Variants in STOX2 observed in about 807,000 individuals in gnomAD.
STOX2 encodes the protein storkhead-box protein 2.
A neutral mutation model predicts 60.9 loss-of-function variants in STOX2; 28 were observed. That is an observed-to-expected ratio of 0.46 (90% CI 0.34 to 0.63). The LOEUF (loss-of-function observed/expected upper bound fraction) is 0.63, where lower values mean the gene tolerates loss of function less well. STOX2 is among the 30% of genes least tolerant of loss of function. STOX2 has a pLI of 0.01. For synonymous variants in STOX2, 472 were observed against 463.9 expected (o/e 1.02, Z -0.22); for missense variants, 1,024 against 1,187.7 (o/e 0.86, Z 2.03).
At chr4:183,875,468 T>G (rs1740808394) in intron 1 of STOX2, among the ~76,000 whole-genome samples, 1 of 152,106 alleles carries the variant, frequency 6.6e-6, no homozygotes, top group Non-Finnish European at 1.5e-5. Flanking sequence ...AGCCTCCCAT[T>G]TTATGGAGGA....
intron 1 of STOX2, among the ~76,000 whole-genome samples, chr4:183,977,861 A>T (rs1732502625): frequency 6.6e-6 from 1 of 152,122 alleles, no homozygotes; most frequent in South Asian, 2.1e-4. Flanking sequence ...TTGATCAGTG[A>T]TGTTTTTCAT....
chr4:183,853,528 G>A (rs1434716407), intron 1 of STOX2: 3 of 152,116 alleles, frequency 2.0e-5, no homozygotes, highest in East Asian at 3.8e-4. Flanking sequence ...TTAAATCTCT[G>A]GGCTGCTTAA....
At chr4:183,975,603 G>A (rs566947277) in intron 1 of STOX2, among the ~76,000 whole-genome samples, 1 of 152,134 alleles carries the variant, frequency 6.6e-6, no homozygotes, top group South Asian at 2.1e-4. Context: ...AGAAGAGGCT[G>A]CCAAAACTCA....
chr4:183,839,540 G>GGA (rs1179633141), intron 1 of STOX2, among the ~76,000 whole-genome samples: 5 of 152,194 alleles, frequency 3.3e-5, no homozygotes, highest in Admixed American at 3.3e-4. Flanking sequence ...ACCAGCATTA[G>GGA]TACTACAGGA....
At chr4:183,885,553 G>A (rs1171872782) in intron 1 of STOX2, among the ~76,000 whole-genome samples, 3 of 152,110 alleles carry the variant, frequency 2.0e-5, no homozygotes, top group African/African-American at 4.8e-5. Context: ...CGGCTGCCTC[G>A]CATTTGCTTT....
intron 1 of STOX2, among the ~76,000 whole-genome samples, chr4:183,930,340 A>G (rs1001074552): frequency 6.7e-6 from 1 of 149,716 alleles, no homozygotes; most frequent in East Asian, 2.0e-4. Flanking sequence ...TAAGTTTTTT[A>G]TTTTTATTTT....
chr4:183,942,606 A>G (rs1011696239), intron 1 of STOX2, among the ~76,000 whole-genome samples: 1 of 152,092 alleles, frequency 6.6e-6, no homozygotes, highest in Non-Finnish European at 1.5e-5. Flanking sequence ...CATATTGCAT[A>G]ATTTATATTT....
At chr4:183,962,129 A>T (rs1743430552) in intron 1 of STOX2, among the ~76,000 whole-genome samples, 1 of 152,230 alleles carries the variant, frequency 6.6e-6, no homozygotes, top group Non-Finnish European at 1.5e-5. Context: ...TTCTAATTAA[A>T]CAATTTTTAG....
At chr4:184,005,787 A>G (rs1053662096) in intron 2 of STOX2, among the ~76,000 whole-genome samples, 3 of 152,250 alleles carry the variant, frequency 2.0e-5, no homozygotes, top group Admixed American at 6.5e-5. Context: ...AATGATAATC[A>G]TAAACATAAG....
At chr4:184,005,231 G>A (rs1413035636) in intron 2 of STOX2, among the ~76,000 whole-genome samples, 1 of 152,148 alleles carries the variant, frequency 6.6e-6, no homozygotes, top group East Asian at 1.9e-4. Flanking sequence ...AGGCCGAGGT[G>A]GGCGGATCAC....
chr4:183,998,943 T>C (rs1256407184), intron 1 of STOX2, among the ~76,000 whole-genome samples: 1 of 152,098 alleles, frequency 6.6e-6, no homozygotes, highest in African/African-American at 2.4e-5. Flanking sequence ...TCCTAGCTAT[T>C]TGGAAGCCTG....
chr4:183,924,560 T>C (rs1267036626), intron 1 of STOX2, among the ~76,000 whole-genome samples: 2 of 152,092 alleles, frequency 1.3e-5, no homozygotes, highest in East Asian at 3.9e-4. Flanking sequence ...GAGGACCTTA[T>C]GTTTCGAGCT....
At chr4:183,801,734 A>G (rs1219922448) in intron 1 of STOX2, among the ~76,000 whole-genome samples, 1 of 152,078 alleles carries the variant, frequency 6.6e-6, no homozygotes, top group Non-Finnish European at 1.5e-5. Flanking sequence ...ATGTGTTTGG[A>G]AACTGGCTGG....
intron 1 of STOX2, among the ~76,000 whole-genome samples, chr4:183,939,177 C>A (rs1742680007): frequency 6.6e-6 from 1 of 152,194 alleles, no homozygotes; most frequent in African/African-American, 2.4e-5. Context: ...GCTGCCATAG[C>A]AAAGTAGCAC....
intron 1 of STOX2, among the ~76,000 whole-genome samples, chr4:183,859,707 A>G (rs1447076835): frequency 5.3e-5 from 8 of 152,230 alleles, no homozygotes; most frequent in African/African-American, 1.9e-4. Context: ...ACCAAGATAA[A>G]TTTCTGTATT....
At chr4:183,813,471 A>T (rs1739084338) in intron 1 of STOX2, among the ~76,000 whole-genome samples, 1 of 152,218 alleles carries the variant, frequency 6.6e-6, no homozygotes, top group South Asian at 2.1e-4. Context: ...TGATTTAAAG[A>T]ATCTGGAAGG....
intron 1 of STOX2, among the ~76,000 whole-genome samples, chr4:183,965,596 AAAAT>A (rs1320033907): frequency 6.6e-6 from 1 of 152,176 alleles, no homozygotes; most frequent in African/African-American, 2.4e-5. Flanking sequence ...TATCAGCTCA[AAAAT>A]AGGGATGCAA....
In STOX2 at chr4:183,811,928, AT is replaced by A. The variant is rs529589265; in HGVS notation, c.364+13896del. Among the ~76,000 whole-genome samples, 1,267 of 129,548 alleles carry A rather than the reference AT, an allele frequency of 9.8e-3. 5 individuals carry two copies. Among genetic ancestry groups the A allele is most frequent in the East Asian group, 0.021 (90 of 4,318 alleles). The allele number at this position is 129,548 out of a possible 152,430, so 85.0% of individuals were successfully genotyped here. Reference sequence around the variant, plus strand: ...AAAATGACCTAGTGAGAAAGCCTGGATTTTTTTTTTTTTTTTTTTTTTTGAG... The same window carrying A: ...AAAATGACCTAGTGAGAAAGCCTGGATTTTTTTTTTTTTTTTTTTTTTGAG... On this transcript the variant is annotated intron_variant, in intron 1 of 2. Transcript: ENST00000513034.
At chr4:183,859,635 A>G (rs1383978546) in intron 1 of STOX2, among the ~76,000 whole-genome samples, 13 of 152,230 alleles carry the variant, frequency 8.5e-5, no homozygotes, top group Non-Finnish European at 2.9e-5. Flanking sequence ...TGATGAGACA[A>G]AGCAAATGGT....
Sources: gnomAD v4.1 joint callset for allele counts (sites outside exome capture counted in the v4.1 genomes callset) on GRCh38, gnomAD v4.1.1 for gene constraint, MANE v1.5 for transcripts, NCBI Gene and HGNC (gene_info 2026-07-23, HGNC 2026-07-21) for gene names.